Variants in PTPRN2 observed in about 807,000 individuals in gnomAD.
PTPRN2 encodes the protein receptor-type tyrosine-protein phosphatase N2.
A neutral mutation model predicts 118.8 loss-of-function variants in PTPRN2; 74 were observed. That is an observed-to-expected ratio of 0.62 (90% CI 0.52 to 0.76). The LOEUF (loss-of-function observed/expected upper bound fraction) is 0.76. Ranked by LOEUF, PTPRN2 falls within the 30% of genes least tolerant of loss-of-function variation. The pLI is 0.00. For missense variants in PTPRN2, 1,481 were observed against 1,394.4 expected, an observed-to-expected ratio of 1.06 and a Z score of -0.99; for synonymous variants, 641 against 608.0, an observed-to-expected ratio of 1.05 and a Z score of -0.80.
At chr7:158,532,818 G>A (rs1281338409) in intron 1 of PTPRN2, 1 of 534,648 alleles carries the variant, frequency 1.9e-6, no homozygotes, top group East Asian at 5.5e-5. Flanking sequence ...TTCCGTGCAG[G>A]AGCCCTCTGC....
At chr7:157,812,111 G>A (rs571302850) in intron 12 of PTPRN2, among the ~76,000 whole-genome samples, 23 of 152,150 alleles carry the variant, frequency 1.5e-4, no homozygotes, top group African/African-American at 4.1e-4. Flanking sequence ...GGCATCCCTC[G>A]ACCATGTTCT....
At chr7:157,773,946 C>T (rs563454567) in intron 12 of PTPRN2, among the ~76,000 whole-genome samples, 2 of 152,304 alleles carry the variant, frequency 1.3e-5, no homozygotes, top group East Asian at 1.9e-4. Context: ...TTCATTTATA[C>T]CTCACTTCAT....
rs913104919 is a variant in PTPRN2 at position 157,845,901 on chromosome 7, A to G, written c.1788+52772T>C. Among the ~76,000 whole-genome samples, 3 of 151,952 alleles carry G rather than the reference A, an allele frequency of 2.0e-5. No homozygotes were observed. Among genetic ancestry groups the G allele is most frequent in the East Asian group, 1.9e-4 (1 of 5,182 alleles). On this transcript the variant is annotated intron_variant, in intron 12 of 22. Coordinates refer to ENST00000389418, the MANE Select transcript of PTPRN2 (RefSeq NM_002847.5). This position sits in a 1 kb window ranked among gnomAD's most constrained non-coding sequence, Gnocchi z 4.5. The stretch of plus-strand genomic sequence containing the variant: ...GGCAGATTAAAGCCTAAATGGGGGG[A>G]AAAAACCTGTAAATGTTTTGAAGAA...
At chr7:157,699,811 C>G (rs1585261762) in intron 12 of PTPRN2, among the ~76,000 whole-genome samples, 1 of 152,348 alleles carries the variant, frequency 6.6e-6, no homozygotes, top group East Asian at 1.9e-4. Flanking sequence ...TGCAGGATTC[C>G]ATGTGACTCA....
chr7:158,486,069 T>A (rs572354925), intron 2 of PTPRN2, among the ~76,000 whole-genome samples: 7 of 152,256 alleles, frequency 4.6e-5, no homozygotes, highest in Non-Finnish European at 7.3e-5. Flanking sequence ...TTAAAATTAA[T>A]ACAAACACCA....
At chr7:158,531,459 G>A (rs1399561389) in intron 1 of PTPRN2, among the ~76,000 whole-genome samples, 1 of 152,218 alleles carries the variant, frequency 6.6e-6, no homozygotes, top group African/African-American at 2.4e-5. Context: ...AACAGCAGGT[G>A]TTCCCTGAGA....
intron 11 of PTPRN2, among the ~76,000 whole-genome samples, chr7:158,007,347 G>A (rs76887600): frequency 0.018 from 2,780 of 152,204 alleles, 37 homozygotes; most frequent in Non-Finnish European, 0.031. Flanking sequence ...AGGGATCAGA[G>A]GCAGGAGGTG....
intron 2 of PTPRN2, among the ~76,000 whole-genome samples, chr7:158,340,302 G>C (rs1383954047): frequency 1.0e-5 from 1 of 96,656 alleles, no homozygotes; most frequent in Non-Finnish European, 2.3e-5. Flanking sequence ...CTCACCATAG[G>C]AGCTGACACC....
At chr7:157,616,792 C>T (rs1802801349) in intron 15 of PTPRN2, 1 of 151,726 alleles carries the variant, frequency 6.6e-6, no homozygotes, top group Admixed American at 6.6e-5. Flanking sequence ...CTTTTGGTCA[C>T]TCAGAAGTAA....
chr7:158,337,729 A>G (rs1805957236), intron 2 of PTPRN2, among the ~76,000 whole-genome samples: 1 of 149,300 alleles, frequency 6.7e-6, no homozygotes, highest in African/African-American at 2.5e-5. Flanking sequence ...CGCAGACGTC[A>G]CTCACAACCA....
At chr7:158,251,280 G>A (rs1796638692) in intron 3 of PTPRN2, among the ~76,000 whole-genome samples, 1 of 152,204 alleles carries the variant, frequency 6.6e-6, no homozygotes, top group South Asian at 2.1e-4. Flanking sequence ...GTGAGCCGAG[G>A]AGAACCTCGC....
At chr7:157,952,383 T>G (rs1174881904) in intron 11 of PTPRN2, among the ~76,000 whole-genome samples, 10 of 50,190 alleles carry the variant, frequency 2.0e-4, no homozygotes, top group South Asian at 6.6e-4. Flanking sequence ...CAGGCAAGGG[T>G]GGGTAGTGTG....
At chr7:158,441,910 G>A (rs974392752) in intron 2 of PTPRN2, among the ~76,000 whole-genome samples, 3 of 63,508 alleles carry the variant, frequency 4.7e-5, no homozygotes, top group Non-Finnish European at 3.3e-5. Context: ...TGGCAGTGGT[G>A]GTGATGGTGA....
At chr7:157,830,579 C>A (rs1485584059) in intron 12 of PTPRN2, among the ~76,000 whole-genome samples, 2 of 152,076 alleles carry the variant, frequency 1.3e-5, no homozygotes, top group African/African-American at 4.8e-5. Flanking sequence ...TGACCGTGCA[C>A]CCACAGCTGC....
intron 12 of PTPRN2, among the ~76,000 whole-genome samples, chr7:157,839,895 C>G (rs1199418073): frequency 2.8e-5 from 4 of 145,320 alleles, no homozygotes; most frequent in Non-Finnish European, 6.0e-5. Context: ...ACTGTGTAAC[C>G]ATGTGTGACT....
In PTPRN2 at chr7:158,540,871, C is replaced by A. The variant is rs556684043; in HGVS notation, c.112+46687G>T. Among the ~76,000 whole-genome samples the A allele has an allele frequency of 9.2e-5, 14 of 152,370 alleles. No homozygotes were observed. The South Asian group carries it at 2.7e-3, about 29-fold the overall frequency. The stretch of plus-strand genomic sequence containing the variant: ...CCATTAGGTCACCAAGGCCAATGTG[C>A]CCCAGTGGCTGGTAACAACGTGTGC... On this transcript the variant is annotated intron_variant, in intron 1 of 22. Coordinates refer to ENST00000389418, the MANE Select transcript of PTPRN2 (RefSeq NM_002847.5).
chr7:158,190,000 C>T (rs1196475435), intron 5 of PTPRN2, among the ~76,000 whole-genome samples: 1 of 152,244 alleles, frequency 6.6e-6, no homozygotes, highest in African/African-American at 2.4e-5. Flanking sequence ...TTGCCAGTGT[C>T]CTGGCGCCCT....
At chr7:157,580,574 G>C (rs1282842959) in intron 17 of PTPRN2, among the ~76,000 whole-genome samples, 9 of 108,480 alleles carry the variant, frequency 8.3e-5, no homozygotes, top group East Asian at 2.7e-4. Context: ...CTGCACATCC[G>C]AGCCCCTGCA....
At chr7:158,282,489 C>A (rs773244084) in intron 3 of PTPRN2, among the ~76,000 whole-genome samples, 3 of 152,320 alleles carry the variant, frequency 2.0e-5, no homozygotes, top group African/African-American at 7.2e-5. Flanking sequence ...CAGGAAGCCG[C>A]GGGCAGAGCA....
Sources: gnomAD v4.1 joint callset for allele counts (sites outside exome capture counted in the v4.1 genomes callset) on GRCh38, gnomAD v4.1.1 for gene constraint, Gnocchi (gnomAD v3.1) non-coding constraint, MANE v1.5 for transcripts, NCBI Gene and HGNC (gene_info 2026-07-23, HGNC 2026-07-21) for gene names.